The following P2RY14 variants were observed in gnomAD, a reference collection of about 807,000 sequenced individuals.
The protein encoded by P2RY14 is P2Y purinoceptor 14.
A neutral mutation model predicts 0.9 loss-of-function variants in P2RY14; 2 were observed. That is an observed-to-expected ratio of 2.16 (90% CI 0.88 to 6.79). The LOEUF (loss-of-function observed/expected upper bound fraction) is 6.79. Ranked by LOEUF, P2RY14 falls within the 30% of genes most tolerant of loss-of-function variation. The probability of loss-of-function intolerance (pLI) is 0.05; values close to 1 mark genes in which losing one functional copy is unlikely to be tolerated. For synonymous variants in P2RY14, 158 were observed against 147.2 expected (o/e 1.07, Z -0.53); for missense variants, 378 against 400.1 (o/e 0.94, Z 0.47).
intron 1 of P2RY14, among the ~76,000 whole-genome samples, chr3:151,246,685 C>T (rs1735578176): frequency 6.6e-6 from 1 of 152,218 alleles, no homozygotes; most frequent in African/African-American, 2.4e-5. Flanking sequence ...AAAACCTAGG[C>T]ATTACCATTC....
At chr3:151,261,929 G>C (rs564229411) in intron 1 of P2RY14, among the ~76,000 whole-genome samples, 53 of 152,154 alleles carry the variant, frequency 3.5e-4, no homozygotes, top group African/African-American at 1.2e-3. Flanking sequence ...GTTTCACCAC[G>C]TTGGCCAGGC....
chr3:151,239,255 T>A (rs952638488), intron 1 of P2RY14, among the ~76,000 whole-genome samples: 1 of 152,256 alleles, frequency 6.6e-6, no homozygotes, highest in African/African-American at 2.4e-5. Context: ...GACCAAAAGA[T>A]TTCAGTGTTA....
chr3:151,251,442 T>C (rs1736836790), intron 1 of P2RY14, among the ~76,000 whole-genome samples: 2 of 152,168 alleles, frequency 1.3e-5, no homozygotes, highest in African/African-American at 4.8e-5. Flanking sequence ...TCAGGTCATT[T>C]TTTGTCTGTG....
At chr3:151,242,288 T>C (rs1734316490) in intron 1 of P2RY14, among the ~76,000 whole-genome samples, 1 of 152,238 alleles carries the variant, frequency 6.6e-6, no homozygotes, top group African/African-American at 2.4e-5. Flanking sequence ...CAAGGAGGCC[T>C]GCCTGCCTCT....
At chr3:151,243,713 G>T (rs558050259) in intron 1 of P2RY14, among the ~76,000 whole-genome samples, 4 of 151,764 alleles carry the variant, frequency 2.6e-5, no homozygotes, top group Non-Finnish European at 4.4e-5. Context: ...ATCAACTAAC[G>T]AGCAAAATAA....
At chr3:151,245,264 T>C (rs1260469921) in intron 1 of P2RY14, among the ~76,000 whole-genome samples, 1 of 152,144 alleles carries the variant, frequency 6.6e-6, no homozygotes, top group Non-Finnish European at 1.5e-5. Flanking sequence ...CCCTAACTCA[T>C]TTTATGAGGC....
chr3:151,226,161 T>TA (rs762255859), intron 1 of P2RY14, among the ~76,000 whole-genome samples: 6 of 152,186 alleles, frequency 3.9e-5, no homozygotes, highest in Non-Finnish European at 7.4e-5. Context: ...AGTGAGCACG[T>TA]ATCTAGTTTC....
chr3:151,229,096 C>T (rs1731097987), intron 1 of P2RY14, among the ~76,000 whole-genome samples: 2 of 152,102 alleles, frequency 1.3e-5, no homozygotes, highest in South Asian at 2.1e-4. Flanking sequence ...TGTGTTTGTT[C>T]AAGATTCAGG....
At chr3:151,250,399 A>G (rs1736606384) in intron 1 of P2RY14, among the ~76,000 whole-genome samples, 1 of 152,200 alleles carries the variant, frequency 6.6e-6, no homozygotes, top group African/African-American at 2.4e-5. Context: ...TCATCTTGCA[A>G]AACTAAAATT....
intron 1 of P2RY14, among the ~76,000 whole-genome samples, chr3:151,267,096 G>A (rs556332447): frequency 3.3e-5 from 5 of 152,268 alleles, no homozygotes; most frequent in African/African-American, 1.2e-4. Context: ...CATTTCTTGC[G>A]TGTTAGAACT....
intron 1 of P2RY14, among the ~76,000 whole-genome samples, chr3:151,232,770 C>T (rs1031755364): frequency 6.6e-6 from 1 of 152,128 alleles, no homozygotes; most frequent in Non-Finnish European, 1.5e-5. Context: ...ACAGTAGACA[C>T]TGAGGCTTAC....
chr3:151,257,551 A>G (rs1738058173), intron 1 of P2RY14, among the ~76,000 whole-genome samples: 1 of 152,252 alleles, frequency 6.6e-6, no homozygotes, highest in Non-Finnish European at 1.5e-5. Flanking sequence ...ACTTCAGAAT[A>G]CTGTTGTGAG....
Position 151,235,648 on chromosome 3 carries a change from C to T in P2RY14, c.-132-16006G>A, listed in dbSNP as rs535392912. 1.1e-4 allele frequency among the ~76,000 whole-genome samples: 17 copies of T among 152,048 alleles called. No homozygotes were observed. In the East Asian group the frequency reaches 2.9e-3, roughly 26 times the overall value. On this transcript the variant is annotated intron_variant, in intron 1 of 2. Transcript: ENST00000309170. ...GGCAGAGGTCGCAGTGAGCTGAGGT[C>T]GCGCCACTGCACTCCAGCCTGGTAA...
intron 1 of P2RY14, among the ~76,000 whole-genome samples, chr3:151,258,413 A>G (rs1559949192): frequency 2.0e-5 from 3 of 152,188 alleles, no homozygotes; most frequent in African/African-American, 7.2e-5. Context: ...ATTTTCTTGA[A>G]GAATAAAATA....
chr3:151,238,958 T>A (rs1167474876), intron 1 of P2RY14, among the ~76,000 whole-genome samples: 3 of 152,202 alleles, frequency 2.0e-5, no homozygotes, highest in Non-Finnish European at 4.4e-5. Context: ...TGGCAAACAT[T>A]TTCTCAAAAC....
At chr3:151,256,510 C>G (rs976681134) in intron 1 of P2RY14, among the ~76,000 whole-genome samples, 2 of 152,170 alleles carry the variant, frequency 1.3e-5, no homozygotes, top group Admixed American at 6.5e-5. Flanking sequence ...ATGGCTCCAT[C>G]TTTCTTCCCT....
intron 1 of P2RY14, among the ~76,000 whole-genome samples, chr3:151,249,572 C>T (rs1736437245): frequency 6.6e-6 from 1 of 152,088 alleles, no homozygotes. Context: ...GGGATTTGCT[C>T]CTCTAGACTT....
intron 1 of P2RY14, among the ~76,000 whole-genome samples, chr3:151,237,618 T>G (rs1200084326): frequency 3.9e-5 from 6 of 152,120 alleles, no homozygotes; most frequent in African/African-American, 1.4e-4. Flanking sequence ...CCCAAAGTGC[T>G]GGGATTACAG....
chr3:151,249,819 T>C (rs1377254103), intron 1 of P2RY14, among the ~76,000 whole-genome samples: 1 of 152,170 alleles, frequency 6.6e-6, no homozygotes, highest in Non-Finnish European at 1.5e-5. Context: ...GAAATTATGC[T>C]CTGGATTAAT....
Sources: gnomAD v4.1 joint callset for allele counts (sites outside exome capture counted in the v4.1 genomes callset) on GRCh38, gnomAD v4.1.1 for gene constraint, MANE v1.5 for transcripts, NCBI Gene and HGNC (gene_info 2026-07-23, HGNC 2026-07-21) for gene names.